The following PRKN variants were observed in gnomAD, a reference collection of about 807,000 sequenced individuals.
PRKN encodes the protein parkin RBR E3 ubiquitin protein ligase, also known as E3 ubiquitin-protein ligase parkin.
Under a neutral mutation model 59.5 loss-of-function variants are expected in PRKN, and 56 were observed. The ratio of observed to expected loss-of-function variants is 0.94; its 90% CI spans 0.76 to 1.18. The LOEUF (loss-of-function observed/expected upper bound fraction) is 1.18, where lower values mean the gene tolerates loss of function less well. Ranked by LOEUF, PRKN falls within the 50% of genes most tolerant of loss-of-function variation. The pLI is 0.00. For synonymous variants in PRKN, 250 were observed against 222.1 expected, an observed-to-expected ratio of 1.13 and a Z score of -1.12; for missense variants, 657 against 596.4, an observed-to-expected ratio of 1.10 and a Z score of -1.06.
intron 1 of PRKN, among the ~76,000 whole-genome samples, chr6:162,533,970 CAAAAAAAA>C (rs139214272): frequency 1.2e-5 from 1 of 82,934 alleles, no homozygotes; most frequent in South Asian, 4.6e-4. Context: ...GACTCCATCT[CAAAAAAAA>C]AAAAAAAAAA....
chr6:161,814,282 A>T (rs1352808054), intron 6 of PRKN, among the ~76,000 whole-genome samples: 1 of 152,218 alleles, frequency 6.6e-6, no homozygotes, highest in Non-Finnish European at 1.5e-5. Context: ...GTCCAGACTG[A>T]CATAACGGTG....
chr6:161,370,084 T>A, intron 10 of PRKN: 1 of 355,330 alleles, frequency 2.8e-6, no homozygotes, highest in East Asian at 7.7e-5. Context: ...CCTGTGGGAG[T>A]TTGTACACAT....
At chr6:162,479,923 G>A (rs1052379823) in intron 1 of PRKN, among the ~76,000 whole-genome samples, 1 of 151,918 alleles carries the variant, frequency 6.6e-6, no homozygotes, top group Non-Finnish European at 1.5e-5. Flanking sequence ...AAATTCGCTG[G>A]GCGTGGTGGC....
Position 161,499,308 on chromosome 6 carries a change from T to G in PRKN, c.1083+49546A>C, listed in dbSNP as rs532514627. Among the ~76,000 whole-genome samples the G allele has an allele frequency of 3.9e-5, 6 of 152,298 alleles. No homozygotes were observed. The East Asian group carries it at 1.2e-3, about 29-fold the overall frequency. ...TGCTATTTGTCATTACACATAAATG[T>G]CTGTTGCATATAGGGAAATATTTCT... On this transcript the variant is annotated intron_variant, in intron 9 of 11. Coordinates refer to ENST00000366898, the MANE Select transcript of PRKN (RefSeq NM_004562.3). This position sits in a 1 kb window ranked among gnomAD's most constrained non-coding sequence, Gnocchi z 4.2.
intron 7 of PRKN, among the ~76,000 whole-genome samples, chr6:161,708,420 T>C (rs1270252592): frequency 6.6e-6 from 1 of 151,260 alleles, no homozygotes; most frequent in African/African-American, 2.4e-5. Context: ...CCCAATTACC[T>C]TTTTCTTTTC....
rs781518268 is a variant in PRKN, at chr6:161,658,030, A to AAAAAAAG, written c.872-88615_872-88614insCTTTTTT. On this transcript the variant is annotated intron_variant, in intron 7 of 11. Coordinates refer to ENST00000366898, the MANE Select transcript of PRKN (RefSeq NM_004562.3). ...GACTCTGTCTCAAAAAAAAAAAAAA[A>AAAAAAAG]AAAAGAAAAGAAAAGAAAAAAACGG... Among the ~76,000 whole-genome samples, 4 of 104,880 alleles carry AAAAAAAG rather than the reference A, an allele frequency of 3.8e-5. 1 individual carries two copies. The highest frequency in any genetic ancestry group is 7.0e-5 in the African/African-American group (2 of 28,620). The allele number at this position is 104,880 out of a possible 152,430, so 68.8% of individuals were successfully genotyped here. A position where few individuals can be genotyped will look rare whatever the true frequency, so the allele number is the denominator to read the frequency against.
intron 7 of PRKN, among the ~76,000 whole-genome samples, chr6:161,626,823 G>T (rs1442798227): frequency 6.6e-6 from 1 of 152,168 alleles, no homozygotes; most frequent in African/African-American, 2.4e-5. Context: ...CAAATTTAAT[G>T]ACAAAGGCTT....
chr6:161,466,547 C>T lies in PRKN; in HGVS notation c.1084-79670G>A, dbSNP rs1322674132. ...ATTCTGCTTGCTCAACTAACTCAGA[C>T]ACTGTGGATGTTAGGATGAAGGTAC... On this transcript the variant is annotated intron_variant, in intron 9 of 11. Transcript: ENST00000366898. The surrounding 1 kb of genome is among the most constrained non-coding windows in gnomAD (Gnocchi z 5.0). 6.6e-6 allele frequency among the ~76,000 whole-genome samples: 1 copy of T among 152,168 alleles called. No homozygotes were observed.
At chr6:162,064,653 T>A (rs1778250065) in intron 4 of PRKN, among the ~76,000 whole-genome samples, 1 of 152,240 alleles carries the variant, frequency 6.6e-6, no homozygotes, top group African/African-American at 2.4e-5. Context: ...ATGTTTTACC[T>A]AAACATAGTG....
intron 5 of PRKN, among the ~76,000 whole-genome samples, chr6:161,978,741 C>T (rs1781147453): frequency 6.6e-6 from 1 of 152,278 alleles, no homozygotes; most frequent in Non-Finnish European, 1.5e-5. Flanking sequence ...CAAGAAACAT[C>T]TCCAGCTGTG....
chr6:162,350,364 T>A (rs1281748569), intron 2 of PRKN, among the ~76,000 whole-genome samples: 1 of 152,184 alleles, frequency 6.6e-6, no homozygotes, highest in Non-Finnish European at 1.5e-5. Flanking sequence ...TGATTCTAAA[T>A]TTTATAGAGT....
intron 5 of PRKN, among the ~76,000 whole-genome samples, chr6:161,976,102 A>C (rs954020011): frequency 6.6e-6 from 1 of 151,894 alleles, no homozygotes; most frequent in Non-Finnish European, 1.5e-5. Context: ...ATGGGGTTTC[A>C]CCGTGTTGGC....
At chr6:161,866,927 T>G (rs988789403) in intron 6 of PRKN, among the ~76,000 whole-genome samples, 5 of 152,104 alleles carry the variant, frequency 3.3e-5, no homozygotes, top group African/African-American at 4.8e-5. Flanking sequence ...GATGGGGTGA[T>G]GAGGAAAGCT....
rs556745885 is a variant in PRKN at position 162,372,574 on chromosome 6, A to AGGAG, written c.171+70732_171+70735dup. ...GGACTACTAGAGAGGGGAGTGAGGGAGGAGGGAGGGTTGAAAAACTAACTA... is the reference window on the plus strand; with the variant it reads ...GGACTACTAGAGAGGGGAGTGAGGGAGGAGGGAGGGAGGGTTGAAAAACTAACTA... On this transcript the variant is annotated intron_variant, in intron 2 of 11. Coordinates refer to ENST00000366898, the MANE Select transcript of PRKN (RefSeq NM_004562.3). Among the ~76,000 whole-genome samples the AGGAG allele has an allele frequency of 2.1e-4, 32 of 152,246 alleles. 1 individual carries two copies. The highest frequency in any genetic ancestry group is 3.4e-3 in the Middle Eastern group (1 of 294).
intron 4 of PRKN, among the ~76,000 whole-genome samples, chr6:162,111,224 G>A (rs1780420106): frequency 2.0e-5 from 3 of 152,084 alleles, no homozygotes; most frequent in Admixed American, 2.0e-4. Flanking sequence ...CCAGCACTTT[G>A]GGAGGCCAAG....
At chr6:161,632,833 G>A (rs1346142793) in intron 7 of PRKN, among the ~76,000 whole-genome samples, 1 of 151,940 alleles carries the variant, frequency 6.6e-6, no homozygotes, top group Non-Finnish European at 1.5e-5. Flanking sequence ...CAAATCTCGT[G>A]AGAACTCACT....
intron 7 of PRKN, among the ~76,000 whole-genome samples, chr6:161,766,521 G>A (rs973910697): frequency 2.0e-5 from 3 of 152,046 alleles, no homozygotes; most frequent in African/African-American, 7.2e-5. Context: ...TGTTGGCCAG[G>A]ATGGTCTCGA....
At chr6:161,731,048 G>A (rs570101137) in intron 7 of PRKN, among the ~76,000 whole-genome samples, 4 of 152,236 alleles carry the variant, frequency 2.6e-5, no homozygotes, top group South Asian at 2.1e-4. Flanking sequence ...AGTCTGATAT[G>A]TTGCATTCTG....
chr6:162,159,682 CT>C (rs1782674563), intron 4 of PRKN, among the ~76,000 whole-genome samples: 1 of 152,168 alleles, frequency 6.6e-6, no homozygotes, highest in Non-Finnish European at 1.5e-5. Flanking sequence ...AGTTGGAGAA[CT>C]TCTGCTACTT....
Sources: gnomAD v4.1 joint callset for allele counts (sites outside exome capture counted in the v4.1 genomes callset) on GRCh38, gnomAD v4.1.1 for gene constraint, Gnocchi (gnomAD v3.1) non-coding constraint, MANE v1.5 for transcripts, NCBI Gene and HGNC (gene_info 2026-07-23, HGNC 2026-07-21) for gene names.